Variants in THNSL1 observed in about 807,000 individuals in gnomAD.
THNSL1 encodes threonine synthase like 1.
A neutral mutation model predicts 50.4 loss-of-function variants in THNSL1; 48 were observed. That is an observed-to-expected ratio of 0.95 (90% CI 0.76 to 1.21). THNSL1 has a LOEUF of 1.21. Among genes scored for constraint, THNSL1 ranks in the 50% most tolerant of loss-of-function variants. THNSL1 has a pLI of 0.00. For missense variants in THNSL1, 896 were observed against 871.7 expected (o/e 1.03, Z -0.35); for synonymous variants, 309 against 306.1 (o/e 1.01, Z -0.10).
the THNSL1 span, chr10:24,999,364 G>T: frequency 6.4e-7 from 1 of 1,562,738 alleles, no homozygotes; most frequent in Non-Finnish European, 8.7e-7. Context: ...ACCTGCTAAT[G>T]CTTTTAATAT....
chr10:24,993,447 C>G, the THNSL1 span, among the ~76,000 whole-genome samples: 1 of 152,152 alleles, frequency 6.6e-6, no homozygotes, highest in Non-Finnish European at 1.5e-5. Context: ...GAAAGAATGT[C>G]TTTACTGGTA....
At chr10:25,016,134 C>G (rs938372463), upstream of THNSL1, 4 of 1,245,882 alleles carry the variant, frequency 3.2e-6, no homozygotes, top group African/African-American at 6.2e-5. Flanking sequence ...TATTTCTCTC[C>G]GGATTGCTAA....
the THNSL1 span, among the ~76,000 whole-genome samples, chr10:24,968,372 C>T: frequency 0.044 from 6,694 of 152,160 alleles, 379 homozygotes; most frequent in African/African-American, 0.13. Flanking sequence ...CAATGTCTTG[C>T]CTAGCCAACA....
At chr10:25,001,431 A>C in the THNSL1 span, among the ~76,000 whole-genome samples, 5 of 151,998 alleles carry the variant, frequency 3.3e-5, no homozygotes, top group African/African-American at 1.2e-4. Context: ...GATTTCATCA[A>C]ATTTGACAAT....
the THNSL1 span, among the ~76,000 whole-genome samples, chr10:24,970,810 G>T: frequency 6.6e-6 from 1 of 152,072 alleles, no homozygotes; most frequent in African/African-American, 2.4e-5. Context: ...GATCCCCTGA[G>T]GTCAGGAGTT....
In THNSL1 at chr10:25,024,143, C is replaced by T; in HGVS notation, c.920C>T (p.Ala307Val). 1 of 1,614,178 alleles carries T rather than the reference C, an allele frequency of 6.2e-7. No homozygotes were observed. Reference protein sequence around the residue: ...ERCIHPADIPAARLGEMIETA... With the variant: ...ERCIHPADIPVARLGEMIETA... ...TGTATCCATCCTGCAGACATACCTG[C>T]TGCCAGGTTGGGAGAAATGATTGAA... The change falls in exon 3 of 3, where the codon GCT becomes GTT. Residue 307 changes from alanine to valine, a missense_variant. Coordinates refer to ENST00000376356, the MANE Select transcript of THNSL1 (RefSeq NM_024838.5).
Position 25,023,672 on chromosome 10 carries a change from T to A in THNSL1, c.449T>A (p.Ile150Lys). ...ATGTGGCATCTGAAGAAAAATGGAA[T>A]AATTGTATACCTGGATGTACCTCTA... ...ASMWHLKKNG[I>K]IVYLDVPLLD... is the part of the protein sequence containing the mutation. The change falls in exon 3 of 3, where the codon ATA becomes AAA. Residue 150 changes from isoleucine (I) to lysine (K), a missense_variant. By Grantham distance (102) the Ile-to-Lys change is moderately radical. Coordinates refer to ENST00000376356, the MANE Select transcript of THNSL1 (RefSeq NM_024838.5). The A allele has an allele frequency of 6.2e-7, 1 of 1,614,136 alleles. No homozygotes were observed. The highest frequency in any genetic ancestry group is 8.5e-7 in the Non-Finnish European group (1 of 1,180,026).
the THNSL1 span, among the ~76,000 whole-genome samples, chr10:24,971,865 T>C: frequency 6.6e-6 from 1 of 152,180 alleles, no homozygotes; most frequent in Non-Finnish European, 1.5e-5. Flanking sequence ...TTGTCTATTG[T>C]TGGCTCTGTG....
chr10:25,008,850 C>A, the THNSL1 span, among the ~76,000 whole-genome samples: 1 of 152,158 alleles, frequency 6.6e-6, no homozygotes, highest in African/African-American at 2.4e-5. Context: ...AGACTTGGAA[C>A]CAACCCAAAT....
chr10:25,023,440 A>G lies in THNSL1; in HGVS notation c.217A>G (p.Arg73Gly). 1 of 1,614,180 alleles carries G rather than the reference A, an allele frequency of 6.2e-7. No individual in the cohort carries two copies. Among genetic ancestry groups the G allele is most frequent in the Non-Finnish European group, 8.5e-7 (1 of 1,180,006 alleles). ...PPGAGKTTVG[R>G]IIGQKLGCCV... ...TGGTGCTGGGAAAACAACAGTAGGC[A>G]GAATAATAGGTCAGAAACTAGGTTG... Residue 73 changes from arginine (R) to glycine (G), a missense_variant, in exon 3 of 3, where the codon AGA (arginine) becomes GGA (glycine). Transcript: ENST00000376356.
chr10:25,015,986 T>C (rs1000039019), upstream of THNSL1: 2 of 1,578,936 alleles, frequency 1.3e-6, no homozygotes, highest in Non-Finnish European at 1.7e-6. Context: ...TTTTTCTCCC[T>C]GTCCCAGTAT....
the THNSL1 span, chr10:24,952,510 T>C: frequency 1.1e-5 from 17 of 1,580,436 alleles, no homozygotes; most frequent in East Asian, 1.8e-4. This position sits in a 1 kb window ranked among gnomAD's most constrained non-coding sequence, Gnocchi z 5.1. Flanking sequence ...AGCCCCAAAA[T>C]AGGGAGTTTG....
the THNSL1 span, among the ~76,000 whole-genome samples, chr10:24,992,926 A>G: frequency 6.6e-6 from 1 of 152,232 alleles, no homozygotes; most frequent in Non-Finnish European, 1.5e-5. Context: ...ACAGCTTAGT[A>G]CAATAATGGA....
At chr10:24,994,456 C>T in the THNSL1 span, among the ~76,000 whole-genome samples, 1 of 151,684 alleles carries the variant, frequency 6.6e-6, no homozygotes, top group African/African-American at 2.4e-5. Context: ...GCCTTAGCCA[C>T]CCGAGTAGCT....
At chr10:24,956,501 C>CT in the THNSL1 span, among the ~76,000 whole-genome samples, 15 of 135,162 alleles carry the variant, frequency 1.1e-4, no homozygotes, top group African/African-American at 1.9e-4. Context: ...TGTTTACTTA[C>CT]TTTTTTTTTT....
chr10:24,978,997 T>G, the THNSL1 span, among the ~76,000 whole-genome samples: 1 of 152,202 alleles, frequency 6.6e-6, no homozygotes, highest in Non-Finnish European at 1.5e-5. Flanking sequence ...AGAAAGAAAC[T>G]AATCCTCCAG....
the THNSL1 span, among the ~76,000 whole-genome samples, chr10:24,990,788 G>T: frequency 6.6e-6 from 1 of 152,140 alleles, no homozygotes; most frequent in African/African-American, 2.4e-5. Context: ...GTAGATTCCT[G>T]CCTTTTAAAA....
At chr10:25,002,180 T>C in the THNSL1 span, among the ~76,000 whole-genome samples, 2 of 152,226 alleles carry the variant, frequency 1.3e-5, no homozygotes, top group Admixed American at 6.5e-5. Flanking sequence ...TTAGGAGGTG[T>C]CTCCACCTGG....
chr10:24,987,192 C>G, the THNSL1 span, among the ~76,000 whole-genome samples: 2 of 152,168 alleles, frequency 1.3e-5, no homozygotes, highest in African/African-American at 2.4e-5. Flanking sequence ...CAGCCCAGCT[C>G]CAGCTCTCAC....
Sources: gnomAD v4.1 joint callset for allele counts (sites outside exome capture counted in the v4.1 genomes callset) on GRCh38, gnomAD v4.1.1 for gene constraint, Gnocchi (gnomAD v3.1) non-coding constraint, MANE v1.5 for transcripts, NCBI Gene and HGNC (gene_info 2026-07-23, HGNC 2026-07-21) for gene names.